DLG2: variants seen among roughly 807,000 people sequenced by gnomAD.
DLG2 encodes the protein disks large homolog 2.
In DLG2, 45 loss-of-function variants were observed where a neutral mutation model predicts 132.5. The observed-to-expected ratio is 0.34, with a 90% CI of 0.27 to 0.44. The LOEUF (loss-of-function observed/expected upper bound fraction) is 0.44, where lower values mean the gene tolerates loss of function less well. DLG2 is among the 20% of genes least tolerant of loss of function. The pLI is 1.00. For missense variants in DLG2, 1,045 were observed against 1,196.9 expected, an observed-to-expected ratio of 0.87 and a Z score of 1.87; for synonymous variants, 424 against 419.6, an observed-to-expected ratio of 1.01 and a Z score of -0.13.
At chr11:84,837,909 A>G (rs897063229) in intron 6 of DLG2, among the ~76,000 whole-genome samples, 5 of 151,720 alleles carry the variant, frequency 3.3e-5, no homozygotes, top group African/African-American at 1.2e-4. Flanking sequence ...AAGAAATGCA[A>G]ACTCCCAGGC....
intron 10 of DLG2, among the ~76,000 whole-genome samples, chr11:84,081,587 G>A (rs1404735490): frequency 2.0e-5 from 3 of 152,110 alleles, no homozygotes; most frequent in African/African-American, 7.2e-5. Context: ...TTGGTTTTGT[G>A]TCCTTGTGAT....
chr11:83,936,024 T>C (rs2081351493), intron 14 of DLG2, among the ~76,000 whole-genome samples: 1 of 152,210 alleles, frequency 6.6e-6, no homozygotes, highest in South Asian at 2.1e-4. Context: ...CCATTATTAT[T>C]ATCTTGATTA....
intron 18 of DLG2, among the ~76,000 whole-genome samples, chr11:83,737,000 T>C (rs1376780900): frequency 6.6e-6 from 1 of 152,236 alleles, no homozygotes; most frequent in African/African-American, 2.4e-5. Flanking sequence ...ACAAGTATCA[T>C]TTTATTAGGT....
intron 7 of DLG2, among the ~76,000 whole-genome samples, chr11:84,251,560 C>T (rs1296736910): frequency 3.3e-5 from 5 of 151,488 alleles, no homozygotes; most frequent in Non-Finnish European, 7.4e-5. Flanking sequence ...CAAAACAATG[C>T]AGGAGGTGAG....
intron 6 of DLG2, among the ~76,000 whole-genome samples, chr11:84,905,125 C>A (rs187373965): frequency 1.3e-5 from 2 of 152,170 alleles, no homozygotes; most frequent in Admixed American, 6.5e-5. Flanking sequence ...GCTTCAGTGA[C>A]TCTCCCATCG....
At chr11:83,638,935 G>A (rs923161518) in intron 18 of DLG2, among the ~76,000 whole-genome samples, 5 of 152,190 alleles carry the variant, frequency 3.3e-5, no homozygotes, top group Non-Finnish European at 5.9e-5. Flanking sequence ...AGTGAGGGGG[G>A]CTCTGCCATA....
chr11:83,645,791 G>A (rs1591614117), intron 18 of DLG2: 2 of 152,084 alleles, frequency 1.3e-5, no homozygotes, highest in Non-Finnish European at 2.9e-5. Flanking sequence ...GGGAGATGCA[G>A]GATGACTGAA....
chr11:84,638,747 C>A (rs1031324776), intron 6 of DLG2, among the ~76,000 whole-genome samples: 1 of 152,204 alleles, frequency 6.6e-6, no homozygotes, highest in African/African-American at 2.4e-5. Flanking sequence ...ACACAGAACT[C>A]TGTATTATCT....
At chr11:85,096,703 C>T (rs1249962949) in intron 6 of DLG2, among the ~76,000 whole-genome samples, 3 of 149,998 alleles carry the variant, frequency 2.0e-5, no homozygotes, top group South Asian at 2.1e-4. Context: ...TTGGCGACCA[C>T]GAAGGGACTA....
At chr11:84,494,720 A>C (rs1409845492) in intron 7 of DLG2, among the ~76,000 whole-genome samples, 1 of 152,202 alleles carries the variant, frequency 6.6e-6, no homozygotes, top group African/African-American at 2.4e-5. Context: ...CAGACCCTAA[A>C]GCATGACTAG....
At chr11:83,461,313 T>G (rs2089965859) in intron 27 of DLG2, among the ~76,000 whole-genome samples, 1 of 152,092 alleles carries the variant, frequency 6.6e-6, no homozygotes, top group African/African-American at 2.4e-5. Context: ...CGAAAGTTCT[T>G]GTTTTTAAAC....
chr11:83,974,480 C>A (rs2154169163), intron 12 of DLG2, among the ~76,000 whole-genome samples: 1 of 151,724 alleles, frequency 6.6e-6, no homozygotes, highest in Non-Finnish European at 1.5e-5. Flanking sequence ...AAGTATTACT[C>A]TAAGAAGAAG....
chr11:83,527,470 G>A (rs1428061876), intron 21 of DLG2, among the ~76,000 whole-genome samples: 1 of 152,106 alleles, frequency 6.6e-6, no homozygotes, highest in Non-Finnish European at 1.5e-5. Flanking sequence ...CAGCACTTTG[G>A]GAGGCCAAGG....
chr11:85,434,392 T>C (rs779473359), intron 3 of DLG2, among the ~76,000 whole-genome samples: 11 of 151,062 alleles, frequency 7.3e-5, no homozygotes, highest in Non-Finnish European at 1.6e-4. Flanking sequence ...GGGCTGTTTT[T>C]TTTGAAAAAA....
chr11:83,944,428 C>T (rs2083338990), intron 14 of DLG2, among the ~76,000 whole-genome samples: 1 of 152,140 alleles, frequency 6.6e-6, no homozygotes, highest in African/African-American at 2.4e-5. Flanking sequence ...GGACAGATGA[C>T]TAGTCATGAA....
At chr11:84,548,222 A>G (rs561340708) in intron 6 of DLG2, among the ~76,000 whole-genome samples, 2 of 152,326 alleles carry the variant, frequency 1.3e-5, no homozygotes, top group South Asian at 2.1e-4. Flanking sequence ...GCACTGAGTC[A>G]GAGCAGCTAC....
chr11:85,477,920 A>G (rs1344726250), intron 3 of DLG2, among the ~76,000 whole-genome samples: 1 of 152,194 alleles, frequency 6.6e-6, no homozygotes, highest in East Asian at 1.9e-4. Flanking sequence ...CAAGGTTCTT[A>G]GCACACATTA....
chr11:84,744,898 T>TAAAAAAAAAAAAAAAA (rs758776805), intron 6 of DLG2, among the ~76,000 whole-genome samples: 1 of 71,820 alleles, frequency 1.4e-5, no homozygotes, highest in African/African-American at 4.8e-5. Context: ...AGTAAAGGTC[T>TAAAAAAAAAAAAAAAA]AAAAAAAAAA....
At chr11:84,124,956 T>C (rs2094108114) in intron 9 of DLG2, among the ~76,000 whole-genome samples, 1 of 150,408 alleles carries the variant, frequency 6.6e-6, no homozygotes, top group Non-Finnish European at 1.5e-5. Flanking sequence ...GTTCAAGCGA[T>C]TCTCCTGCCT....
Sources: allele counts gnomAD v4.1 joint callset (sites outside exome capture counted in the v4.1 genomes callset), GRCh38; gene constraint gnomAD v4.1.1; transcripts MANE v1.5; gene names NCBI Gene and HGNC (gene_info 2026-07-23, HGNC 2026-07-21).